The following MBNL2 variants were observed in gnomAD, a reference collection of about 807,000 sequenced individuals.
MBNL2 encodes the protein muscleblind-like protein 2.
In MBNL2, 17 loss-of-function variants were observed where a neutral mutation model predicts 41.9. That is an observed-to-expected ratio of 0.41 (90% CI 0.28 to 0.61). MBNL2 has a LOEUF of 0.61. Among genes scored for constraint, MBNL2 ranks in the 20% least tolerant of loss-of-function variants. The pLI is 0.35. For missense variants in MBNL2, 336 were observed against 505.6 expected, an observed-to-expected ratio of 0.66 and a Z score of 3.22; for synonymous variants, 195 against 182.9, an observed-to-expected ratio of 1.07 and a Z score of -0.53.
chr13:97,207,558 G>A, the MBNL2 span, among the ~76,000 whole-genome samples: 16 of 152,196 alleles, frequency 1.1e-4, no homozygotes, highest in East Asian at 1.5e-3. Context: ...AGAACAGCAC[G>A]GGAAAGACTT....
intron 2 of MBNL2, among the ~76,000 whole-genome samples, chr13:97,312,871 A>G (rs556986570): frequency 4.6e-5 from 7 of 152,310 alleles, no homozygotes; most frequent in African/African-American, 1.7e-4. Context: ...ATATGTCTGA[A>G]TCTGCATTTT....
At chr13:97,354,486 C>T (rs1454873870) in intron 5 of MBNL2, among the ~76,000 whole-genome samples, 1 of 152,140 alleles carries the variant, frequency 6.6e-6, no homozygotes, top group East Asian at 1.9e-4. Flanking sequence ...AAGGAGAGAT[C>T]TGCCTCTAAT....
chr13:97,196,278 T>C, the MBNL2 span, among the ~76,000 whole-genome samples: 1 of 152,178 alleles, frequency 6.6e-6, no homozygotes, highest in African/African-American at 2.4e-5. Context: ...AGTATTAAGA[T>C]TGCACTACAT....
the MBNL2 span, among the ~76,000 whole-genome samples, chr13:97,175,016 G>A: frequency 6.6e-6 from 1 of 152,164 alleles, no homozygotes; most frequent in South Asian, 2.1e-4. Context: ...GTGTGCCTCA[G>A]GTTTCCTTTA....
Position 97,268,596 on chromosome 13 carries a change from TA to T in MBNL2, c.-604-7035del, listed in dbSNP as rs1350318276. The stretch of plus-strand genomic sequence containing the variant: ...TCTGCTGGAATTTTCCTACAGATAA[TA>T]CTGGAATTCCCCATTCAGAGCATTA... On this transcript the variant is annotated intron_variant, in intron 1 of 8. Transcript: ENST00000679496. The surrounding 1 kb of genome is among the most constrained non-coding windows in gnomAD (Gnocchi z 4.6). 6.6e-6 allele frequency among the ~76,000 whole-genome samples: 1 copy of T among 152,204 alleles called. No homozygotes were observed. Among genetic ancestry groups the T allele is most frequent in the Non-Finnish European group, 1.5e-5 (1 of 68,038 alleles).
the MBNL2 span, among the ~76,000 whole-genome samples, chr13:97,163,616 A>AT: frequency 1.3e-5 from 2 of 152,164 alleles, no homozygotes; most frequent in Non-Finnish European, 2.9e-5. Flanking sequence ...AGCCTAGTTT[A>AT]CCTGAATACC....
In MBNL2 at chr13:97,295,492, T is replaced by C. The variant is rs140697615; in HGVS notation, c.174+19083T>C. On this transcript the variant is annotated intron_variant, in intron 2 of 8. Transcript: ENST00000679496. ...ATGATGTGTTGGAAAATCATTTGTT[T>C]GTGCCTGGGTTGATGTAGTTCTTAA... is the stretch of plus-strand genomic sequence containing the variant. Among the ~76,000 whole-genome samples, 49 of 150,638 alleles carry C rather than the reference T, an allele frequency of 3.3e-4. 2 individuals are homozygous for C. The highest frequency in any genetic ancestry group is 1.2e-3 in the African/African-American group (47 of 40,672).
At chr13:97,209,684 C>A in the MBNL2 span, among the ~76,000 whole-genome samples, 7 of 152,248 alleles carry the variant, frequency 4.6e-5, no homozygotes. Flanking sequence ...AAAATGTGTA[C>A]TCATTGCTCA....
At chr13:97,157,068 C>A in the MBNL2 span, among the ~76,000 whole-genome samples, 3 of 146,640 alleles carry the variant, frequency 2.0e-5, no homozygotes, top group Admixed American at 6.9e-5. Context: ...CTTTTATTTC[C>A]TTGAGCAGTG....
upstream of MBNL2, among the ~76,000 whole-genome samples, chr13:97,221,855 G>A (rs766102123): frequency 1.5e-4 from 23 of 152,148 alleles, no homozygotes; most frequent in Non-Finnish European, 2.9e-4. Context: ...CCTCAATAAT[G>A]GAAATATGTA....
At chr13:97,359,607 G>A (rs1210857155) in intron 7 of MBNL2, among the ~76,000 whole-genome samples, 1 of 152,106 alleles carries the variant, frequency 6.6e-6, no homozygotes, top group East Asian at 1.9e-4. Context: ...TCTCATGAAG[G>A]ACCCATACGG....
chr13:97,376,242 T>TGGG (rs1328980110), intron 8 of MBNL2, among the ~76,000 whole-genome samples: 1 of 152,200 alleles, frequency 6.6e-6, no homozygotes, highest in East Asian at 1.9e-4. Flanking sequence ...GGCTTGCCTT[T>TGGG]GCTCACCCAG....
At chr13:97,167,873 T>A in the MBNL2 span, among the ~76,000 whole-genome samples, 1 of 152,238 alleles carries the variant, frequency 6.6e-6, no homozygotes, top group Admixed American at 6.5e-5. Context: ...TTAACCTATA[T>A]ATTTGTCAAA....
At chr13:97,372,193 C>T (rs1339982810) in intron 8 of MBNL2, among the ~76,000 whole-genome samples, 2 of 152,140 alleles carry the variant, frequency 1.3e-5, no homozygotes, top group African/African-American at 4.8e-5. Flanking sequence ...CGGAGCATCA[C>T]AAGAAGTGCC....
chr13:97,341,609 G>C (rs753184386), intron 3 of MBNL2, among the ~76,000 whole-genome samples: 3 of 152,090 alleles, frequency 2.0e-5, no homozygotes, highest in African/African-American at 7.2e-5. Context: ...GAGCCATAGA[G>C]ATCTAACAGC....
the MBNL2 span, among the ~76,000 whole-genome samples, chr13:97,165,502 G>A: frequency 6.6e-6 from 1 of 152,128 alleles, no homozygotes; most frequent in African/African-American, 2.4e-5. Context: ...TTGGAGGAAG[G>A]GAGAGTGAAT....
the MBNL2 span, among the ~76,000 whole-genome samples, chr13:97,190,025 A>G: frequency 6.6e-6 from 1 of 152,192 alleles, no homozygotes; most frequent in Admixed American, 6.5e-5. Flanking sequence ...AGAGGAGTTC[A>G]AACCACGAGT....
At chr13:97,281,157 T>C (rs527811321) in intron 2 of MBNL2, among the ~76,000 whole-genome samples, 1 of 152,196 alleles carries the variant, frequency 6.6e-6, no homozygotes, top group Non-Finnish European at 1.5e-5. Flanking sequence ...ATGTTCTCCA[T>C]GTTCATCAGG....
chr13:97,291,442 C>T (rs1314673384), intron 2 of MBNL2, among the ~76,000 whole-genome samples: 5 of 151,988 alleles, frequency 3.3e-5, no homozygotes, highest in Non-Finnish European at 5.9e-5. Context: ...CGGGTTTCAC[C>T]GTGTTAGCCA....
Sources: gnomAD v4.1 joint callset for allele counts (sites outside exome capture counted in the v4.1 genomes callset) on GRCh38, gnomAD v4.1.1 for gene constraint, Gnocchi (gnomAD v3.1) non-coding constraint, MANE v1.5 for transcripts, NCBI Gene and HGNC (gene_info 2026-07-23, HGNC 2026-07-21) for gene names.